The following COL4A3 variants were observed in gnomAD, a reference collection of about 807,000 sequenced individuals.
The protein encoded by COL4A3 is collagen type IV alpha 3 chain.
COL4A3 carries 135 observed loss-of-function variants against 217.4 expected under a neutral mutation model. The observed-to-expected ratio is 0.62, with a 90% CI of 0.54 to 0.72. The LOEUF is 0.72. Ranked by LOEUF, COL4A3 falls within the 30% of genes least tolerant of loss-of-function variation. COL4A3 has a pLI of 0.00. For missense variants in COL4A3, 1,868 were observed against 2,119.9 expected (o/e 0.88, Z 2.33); for synonymous variants, 690 against 736.3 (o/e 0.94, Z 1.02).
In COL4A3 at chr2:227,240,138, A is replaced by T; in HGVS notation, c.145-5A>T. On this transcript the variant is annotated splice_region_variant and splice_polypyrimidine_tract_variant and intron_variant, in intron 2 of 51. Transcript: ENST00000396578. ...GTGTTTCTCACCTCGTTTTGGTTTT[A>T]ACAGGGGGAGAAGGGCTTTCCTGGA... The T allele has an allele frequency of 6.2e-7, 1 of 1,603,322 alleles. No homozygotes were observed. The highest frequency in any genetic ancestry group is 8.5e-7 in the Non-Finnish European group (1 of 1,174,824).
At position 227,253,054 on chromosome 2, in the gene COL4A3, C is replaced by T. The variant is rs2069880991; in HGVS notation, c.646-242C>T. Among the ~76,000 whole-genome samples, 1 of 152,206 alleles carries T rather than the reference C, an allele frequency of 6.6e-6. No homozygotes were observed. The highest frequency in any genetic ancestry group is 6.5e-5 in the Admixed American group (1 of 15,280). ...GAGCTGGGCTCCTTTCCCTCCCCCA[C>T]ACCACTGCATGTCAGCATTTGCCAT... is the stretch of plus-strand genomic sequence containing the variant. On this transcript the variant is annotated intron_variant, in intron 11 of 51. Coordinates refer to ENST00000396578, the MANE Select transcript of COL4A3 (RefSeq NM_000091.5). The surrounding 1 kb of genome is among the most constrained non-coding windows in gnomAD (Gnocchi z 4.4).
chr2:227,273,253 C>T, intron 26 of COL4A3, 136 bp downstream of exon 26: 1 of 963,826 alleles, frequency 1.0e-6, no homozygotes, highest in Admixed American at 2.2e-5. Flanking sequence ...CTCACAGATA[C>T]CAGGAAAGAA....
At chr2:227,290,570 G>A (rs2072631426) in intron 36 of COL4A3, among the ~76,000 whole-genome samples, 177 bp from the exon 37 acceptor site, 1 of 152,050 alleles carries the variant, frequency 6.6e-6, no homozygotes, top group African/African-American at 2.4e-5. Flanking sequence ...ACCAGAAAAT[G>A]GGTGAGAACA....
At chr2:227,294,818 T>A (rs2072950804) in intron 39 of COL4A3, 146 bp from the exon 40 acceptor site, 2 of 749,058 alleles carry the variant, frequency 2.7e-6, no homozygotes, top group Admixed American at 4.3e-5. Context: ...GGAACATAGC[T>A]TCACATAGCT....
intron 19 of COL4A3, among the ~76,000 whole-genome samples, 182 bp from the exon 20 acceptor site, chr2:227,260,899 CA>C (rs2070516487): frequency 6.6e-6 from 1 of 152,038 alleles, no homozygotes; most frequent in African/African-American, 2.4e-5. Flanking sequence ...GTTAGACTTC[CA>C]AGATTAGTTT....
intron 37 of COL4A3, among the ~76,000 whole-genome samples, chr2:227,292,839 C>G (rs1189236293): frequency 6.6e-6 from 1 of 152,166 alleles, no homozygotes; most frequent in Non-Finnish European, 1.5e-5. Flanking sequence ...TGTCATAAAT[C>G]TATATAGGTT....
chr2:227,275,688 A>C (rs1202400860), intron 26 of COL4A3, among the ~76,000 whole-genome samples: 1 of 152,166 alleles, frequency 6.6e-6, no homozygotes. Flanking sequence ...CTAGGTAGGC[A>C]TTCTTTCCCC....
chr2:227,274,543 G>A (rs1487149861), intron 26 of COL4A3, among the ~76,000 whole-genome samples: 1 of 150,922 alleles, frequency 6.6e-6, no homozygotes, highest in Admixed American at 6.6e-5. Context: ...CTGTCGCCCA[G>A]GCTGGAGAGC....
rs139361545 is a variant in COL4A3, at chr2:227,273,076, C to T, written c.1886C>T (p.Thr629Met). The change falls in exon 26 of 52, where the codon ACG (threonine) becomes ATG (methionine). Residue 629 changes from threonine (T) to methionine (M), a missense_variant. By Grantham distance (81) the Thr-to-Met change is moderately conservative. Transcript: ENST00000396578. ...CAAGGAGAACCTGGTCTCCAGGGCA[C>T]GCAAGGAGTTCCTGGAGCCCCCGGA... ...GPQGEPGLQGTQGVPGAPGPP... is the reference protein window; with the variant it reads ...GPQGEPGLQGMQGVPGAPGPP... The T allele has an allele frequency of 2.0e-4, 326 of 1,613,978 alleles. 2 individuals carry two copies. In the African/African-American group the frequency reaches 3.7e-3, roughly 18 times the overall value.
At chr2:227,245,634 T>C in intron 5 of COL4A3, 1 of 423,580 alleles carries the variant, frequency 2.4e-6, no homozygotes, top group South Asian at 2.3e-5. Flanking sequence ...TAGTTTCATC[T>C]GTGCACACTT....
intron 1 of COL4A3, among the ~76,000 whole-genome samples, chr2:227,218,338 C>T (rs1004787945): frequency 2.0e-5 from 3 of 151,762 alleles, no homozygotes; most frequent in African/African-American, 7.3e-5. Context: ...TGGTGGTGGG[C>T]GCCTGTAGTC....
In COL4A3 at chr2:227,253,710, T is replaced by C; in HGVS notation, c.765+72T>C. The C allele has an allele frequency of 7.9e-7, 1 of 1,271,678 alleles. No individual in the cohort carries two copies. The highest frequency in any genetic ancestry group is 1.2e-6 in the Non-Finnish European group (1 of 867,678). 78.8% of individuals were successfully genotyped at this position (1,271,678 alleles called of 1,614,324 possible). A position where few individuals can be genotyped will look rare whatever the true frequency, so the allele number is the denominator to read the frequency against. ...GATGAAGTCCTTGTGACCCTGCACC[T>C]CTTTTACAAGCTCTTGTTATCTAAG... On this transcript the variant is annotated intron_variant, in intron 13 of 51. Transcript: ENST00000396578. The surrounding 1 kb of genome is among the most constrained non-coding windows in gnomAD (Gnocchi z 4.4).
chr2:227,310,708 A>G lies in COL4A3; in HGVS notation c.4756-68A>G, dbSNP rs1042360366. On this transcript the variant is annotated intron_variant, in intron 50 of 51. Transcript: ENST00000396578. Reference sequence around the variant, plus strand: ...CAGTTGCCCATTCATTCAAAAAAAAAAGTAGAGAATTGAAAATTTGAACCC... The same window carrying G: ...CAGTTGCCCATTCATTCAAAAAAAAGAGTAGAGAATTGAAAATTTGAACCC... 1.4e-5 allele frequency: 19 copies of G among 1,350,190 alleles called. No homozygotes were observed. The highest frequency in any genetic ancestry group is 2.3e-5 in the East Asian group (1 of 43,252). The allele number at this position is 1,350,190 out of a possible 1,614,324, so 83.6% of individuals were successfully genotyped here. A position where few individuals can be genotyped will look rare whatever the true frequency, so the allele number is the denominator to read the frequency against.
chr2:227,275,906 A>G (rs2071528502), intron 26 of COL4A3, among the ~76,000 whole-genome samples: 1 of 150,588 alleles, frequency 6.6e-6, no homozygotes, highest in Non-Finnish European at 1.5e-5. Context: ...GCTCTTTTCA[A>G]TAGACCAGCA....
At chr2:227,171,636 A>G (rs1037128815) in intron 1 of COL4A3, among the ~76,000 whole-genome samples, 2 of 152,186 alleles carry the variant, frequency 1.3e-5, no homozygotes, top group African/African-American at 2.4e-5. Flanking sequence ...GAGGCTGGAA[A>G]GTCCAAGATC....
At chr2:227,276,264 CA>C in intron 26 of COL4A3, 120 bp from the exon 27 acceptor site, 1 of 771,144 alleles carries the variant, frequency 1.3e-6, no homozygotes, top group Non-Finnish European at 2.2e-6. Context: ...TCTGTGAAAA[CA>C]GAGGTTATTT....
intron 34 of COL4A3, among the ~76,000 whole-genome samples, chr2:227,284,958 C>T (rs534397253): frequency 3.9e-5 from 6 of 152,162 alleles, no homozygotes; most frequent in South Asian, 2.1e-4. Flanking sequence ...ATGATCAATA[C>T]GACCAATATA....
At chr2:227,202,923 G>A (rs1417182935) in intron 1 of COL4A3, among the ~76,000 whole-genome samples, 2 of 23,080 alleles carry the variant, frequency 8.7e-5, no homozygotes, top group African/African-American at 5.7e-4. Flanking sequence ...ATACATATAT[G>A]TGTATATATG....
In COL4A3 at chr2:227,244,746, T is replaced by C. The variant is rs1014808634; in HGVS notation, c.280-205T>C. 3.2e-5 allele frequency: 24 copies of C among 744,474 alleles called. No homozygotes were observed. In the Admixed American group the frequency reaches 4.6e-4, roughly 14 times the overall value. The allele number at this position is 744,474 out of a possible 1,614,324, so 46.1% of individuals were successfully genotyped here. Reference sequence around the variant, plus strand: ...CCAAAAAAGCCAAAAATAATCTTAATGATATCTTTTTAAGAGTTACATAAA... The same window carrying C: ...CCAAAAAAGCCAAAAATAATCTTAACGATATCTTTTTAAGAGTTACATAAA... On this transcript the variant is annotated intron_variant, in intron 4 of 51. Transcript: ENST00000396578.
Sources: gnomAD v4.1 joint callset for allele counts (sites outside exome capture counted in the v4.1 genomes callset) on GRCh38, gnomAD v4.1.1 for gene constraint, Gnocchi (gnomAD v3.1) non-coding constraint, MANE v1.5 for transcripts, NCBI Gene and HGNC (gene_info 2026-07-23, HGNC 2026-07-21) for gene names.